Variants in JAKMIP1 observed in about 807,000 individuals in gnomAD.
JAKMIP1 encodes the protein janus kinase and microtubule-interacting protein 1.
JAKMIP1 carries 33 observed loss-of-function variants against 113.0 expected under a neutral mutation model. That is an observed-to-expected ratio of 0.29 (90% CI 0.22 to 0.39). The LOEUF is 0.39. Among genes scored for constraint, JAKMIP1 ranks in the 10% least tolerant of loss-of-function variants. The probability of loss-of-function intolerance (pLI) is 1.00; values close to 1 mark genes in which losing one functional copy is unlikely to be tolerated. For synonymous variants in JAKMIP1, 480 were observed against 459.9 expected, an observed-to-expected ratio of 1.04 and a Z score of -0.56; for missense variants, 813 against 1,080.5, an observed-to-expected ratio of 0.75 and a Z score of 3.47.
chr4:6,177,688 G>T (rs4688972), intron 1 of JAKMIP1, among the ~76,000 whole-genome samples: 147,856 of 152,244 alleles, frequency 0.97, 71,948 homozygotes, highest in East Asian at 1. Context: ...TCCCACAGAC[G>T]GAGGCAGATC....
At position 6,044,841 on chromosome 4, in the gene JAKMIP1, T is replaced by C. The variant is rs548107290; in HGVS notation, c.2029-2614A>G. On this transcript the variant is annotated intron_variant, in intron 16 of 20. Transcript: ENST00000409021. This position sits in a 1 kb window ranked among gnomAD's most constrained non-coding sequence, Gnocchi z 4.4. ...CGACCACGTGAGATCAGAAATTTAATATCAAAGAGTTTGGCCAGATAGCTG... is the reference window on the plus strand; with the variant it reads ...CGACCACGTGAGATCAGAAATTTAACATCAAAGAGTTTGGCCAGATAGCTG... Among the ~76,000 whole-genome samples, 8 of 152,350 alleles carry C rather than the reference T, an allele frequency of 5.3e-5. No homozygotes were observed. Among genetic ancestry groups the C allele is most frequent in the Admixed American group, 2.0e-4 (3 of 15,306 alleles).
At chr4:6,098,146 C>G (rs1712147495) in intron 3 of JAKMIP1, among the ~76,000 whole-genome samples, 1 of 152,170 alleles carries the variant, frequency 6.6e-6, no homozygotes, top group Non-Finnish European at 1.5e-5. Context: ...AAGAAACATT[C>G]CTCGTCGCGT....
chr4:6,171,318 C>T (rs908653148), intron 1 of JAKMIP1, among the ~76,000 whole-genome samples: 1 of 151,670 alleles, frequency 6.6e-6, no homozygotes, highest in Non-Finnish European at 1.5e-5. Context: ...CCATCAACAT[C>T]TCCATCACCA....
rs139788948 is a variant in JAKMIP1, at chr4:6,097,092, G to T, written c.624+8381C>A. ...TCGTAGGTCACAGTAGCCTCAATCT[G>T]CTGGCTTCAAGCAATCCTCCCACCT... On this transcript the variant is annotated intron_variant, in intron 3 of 20. Transcript: ENST00000409021. The surrounding 1 kb of genome is among the most constrained non-coding windows in gnomAD (Gnocchi z 4.3). 6.6e-6 allele frequency among the ~76,000 whole-genome samples: 1 copy of T among 152,102 alleles called. No individual in the cohort carries two copies. The highest frequency in any genetic ancestry group is 1.5e-5 in the Non-Finnish European group (1 of 68,028).
intron 1 of JAKMIP1, among the ~76,000 whole-genome samples, chr4:6,121,448 G>A (rs114875180): frequency 0.012 from 1,873 of 152,296 alleles, 20 homozygotes; most frequent in Non-Finnish European, 0.02. Context: ...TCCGAAGAAC[G>A]GTGCCAGGCA....
chr4:6,073,933 G>C (rs971544538), intron 8 of JAKMIP1, among the ~76,000 whole-genome samples: 6 of 152,224 alleles, frequency 3.9e-5, no homozygotes, highest in African/African-American at 1.2e-4. Context: ...CCAATAGCCT[G>C]CAACACAATT....
In JAKMIP1 at chr4:6,093,812, G is replaced by T. The variant is rs1025289623; in HGVS notation, c.625-8183C>A. The stretch of plus-strand genomic sequence containing the variant: ...AAGGAGCCAGGTTTGCCCGTGGTAG[G>T]AGTCGGTGGGGAACAAGTCCTGGCC... On this transcript the variant is annotated intron_variant, in intron 3 of 20. Transcript: ENST00000409021. This position sits in a 1 kb window ranked among gnomAD's most constrained non-coding sequence, Gnocchi z 4.6. Among the ~76,000 whole-genome samples, 1 of 152,130 alleles carries T rather than the reference G, an allele frequency of 6.6e-6. No homozygotes were observed. Among genetic ancestry groups the T allele is most frequent in the Non-Finnish European group, 1.5e-5 (1 of 68,026 alleles).
At position 6,050,661 on chromosome 4, in the gene JAKMIP1, G is replaced by A; in HGVS notation, c.1825C>T (p.Pro609Ser). The A allele has an allele frequency of 6.4e-7, 1 of 1,564,210 alleles. No individual in the cohort carries two copies. Among genetic ancestry groups the A allele is most frequent in the Non-Finnish European group, 8.7e-7 (1 of 1,153,614 alleles). ...GTGGTGATTTGGAGGTTAAATGCTG[G>A]CGACCTCCTCTCTCTCTCCTGGGGA... ...LELEERERRS[P>S]AFNLQITTFP... Residue 609 changes from proline (P) to serine (S), a missense_variant, in exon 14 of 21, where the codon CCA (proline) becomes TCA (serine). Pro to Ser is a moderately conservative substitution (Grantham distance 74, BLOSUM62 -1). This residue lies in a region of JAKMIP1 where 273 missense variants were observed against 426.6 expected (regional missense o/e 0.64). Transcript: ENST00000409021. The surrounding 1 kb of genome is among the most constrained non-coding windows in gnomAD (Gnocchi z 7.4).
chr4:6,083,428 G>A (rs543746381), intron 5 of JAKMIP1, among the ~76,000 whole-genome samples: 14 of 151,442 alleles, frequency 9.2e-5, no homozygotes, highest in Non-Finnish European at 1.2e-4. Context: ...AGATTGAAGC[G>A]TTGGCAAACT....
intron 1 of JAKMIP1, 46 bp from the exon 2 acceptor site, chr4:6,113,043 G>A (rs1051809451): frequency 6.7e-6 from 6 of 895,798 alleles, no homozygotes; most frequent in Middle Eastern, 7.2e-4. Context: ...GAAGGGTGGG[G>A]AGCTGGTGTC....
chr4:6,084,996 TCAAGACG>T, intron 4 of JAKMIP1, 31 bp from the exon 5 acceptor site: 6 of 808,642 alleles, frequency 7.4e-6, no homozygotes, highest in Non-Finnish European at 8.2e-6. Flanking sequence ...AAAAAAAAAG[TCAAGACG>T]TAAATGTACT....
Position 6,073,113 on chromosome 4 carries a change from A to G in JAKMIP1, c.1302+5826T>C, listed in dbSNP as rs531420151. On this transcript the variant is annotated intron_variant, in intron 8 of 20. Coordinates refer to ENST00000409021, the MANE Select transcript of JAKMIP1 (RefSeq NM_001099433.2). ...AAAAAAAAAAGTGCTTGAGCTTCCT[A>G]GGCAGGCAAAGGTACTGTACAACCA... is the stretch of plus-strand genomic sequence containing the variant. Among the ~76,000 whole-genome samples the G allele has an allele frequency of 9.2e-4, 138 of 149,648 alleles. 1 individual carries two copies. Among genetic ancestry groups the G allele is most frequent in the Admixed American group, 1.7e-3 (25 of 14,984 alleles).
At chr4:6,104,816 C>CT (rs1713636114) in intron 3 of JAKMIP1, among the ~76,000 whole-genome samples, 1 of 152,206 alleles carries the variant, frequency 6.6e-6, no homozygotes, top group South Asian at 2.1e-4. Context: ...TCAGGAGGAT[C>CT]TCCTGTGCAG....
At chr4:6,034,969 A>G (rs941371765) in intron 19 of JAKMIP1, among the ~76,000 whole-genome samples, 2 of 152,186 alleles carry the variant, frequency 1.3e-5, no homozygotes, top group Non-Finnish European at 2.9e-5. Flanking sequence ...CTCCCCGAGG[A>G]GAGGAGCATG....
chr4:6,064,936 A>G lies in JAKMIP1; in HGVS notation c.1375T>C (p.Tyr459His). 1 of 1,614,144 alleles carries G rather than the reference A, an allele frequency of 6.2e-7. No individual in the cohort carries two copies. Among genetic ancestry groups the G allele is most frequent in the East Asian group, 2.2e-5 (1 of 44,872 alleles). ...VDSETLSETS[Y>H]NTDRTDRTPA... Reference sequence around the variant, plus strand: ...GTCCTGTCTGTCCTGTCTGTGTTGTAGGATGTTTCGGACAACGTTTCTGAG... The same window carrying G: ...GTCCTGTCTGTCCTGTCTGTGTTGTGGGATGTTTCGGACAACGTTTCTGAG... Residue 459 changes from tyrosine to histidine, a missense_variant, in exon 9 of 21, where the codon TAC becomes CAC. Transcript: ENST00000409021. The surrounding 1 kb of genome is among the most constrained non-coding windows in gnomAD (Gnocchi z 4.3).
chr4:6,112,636 G>C, intron 2 of JAKMIP1, 86 bp downstream of exon 2: 1 of 1,509,046 alleles, frequency 6.6e-7, no homozygotes, highest in Non-Finnish European at 9.0e-7. Context: ...TCCTGGAACA[G>C]GCTCTTCACA....
chr4:6,129,336 G>C lies in JAKMIP1; in HGVS notation c.-147-16339C>G, dbSNP rs920477421. Among the ~76,000 whole-genome samples, 1 of 152,238 alleles carries C rather than the reference G, an allele frequency of 6.6e-6. No homozygotes were observed. The highest frequency in any genetic ancestry group is 2.4e-5 in the African/African-American group (1 of 41,458). On this transcript the variant is annotated intron_variant, in intron 1 of 20. Transcript: ENST00000409021. The surrounding 1 kb of genome is among the most constrained non-coding windows in gnomAD (Gnocchi z 5.4). Reference sequence around the variant, plus strand: ...CACCCCATGCCAGCCAGGAACCATTGATATTTAAATGTGGCCTTTGGCTAA... The same window carrying C: ...CACCCCATGCCAGCCAGGAACCATTCATATTTAAATGTGGCCTTTGGCTAA...
Position 6,162,632 on chromosome 4 carries a change from A to C in JAKMIP1, c.-148+37621T>G, listed in dbSNP as rs1051959285. Among the ~76,000 whole-genome samples, 8 of 152,224 alleles carry C rather than the reference A, an allele frequency of 5.3e-5. No homozygotes were observed. Among genetic ancestry groups the C allele is most frequent in the African/African-American group, 1.9e-4 (8 of 41,462 alleles). On this transcript the variant is annotated intron_variant, in intron 1 of 20. Transcript: ENST00000409021. The surrounding 1 kb of genome is among the most constrained non-coding windows in gnomAD (Gnocchi z 5.6). Reference sequence around the variant, plus strand: ...TTCAACCTGCCAAGCTCAGTGTGGCACTGCCCATCTGTTAGCTCCTTAACT... The same window carrying C: ...TTCAACCTGCCAAGCTCAGTGTGGCCCTGCCCATCTGTTAGCTCCTTAACT...
At position 6,039,383 on chromosome 4, in the gene JAKMIP1, C is replaced by G. The variant is rs868676401; in HGVS notation, c.2175+1256G>C. Among the ~76,000 whole-genome samples the G allele has an allele frequency of 3.9e-5, 6 of 152,202 alleles. No individual in the cohort carries two copies. The South Asian group carries it at 1.2e-3, about 32-fold the overall frequency. On this transcript the variant is annotated intron_variant, in intron 18 of 20. Coordinates refer to ENST00000409021, the MANE Select transcript of JAKMIP1 (RefSeq NM_001099433.2). ...AACTCACCCTTTAGCACGCTAAGAC[C>G]CCAAGAAGTCCTTCAGAGTTTTCCA...
Sources: gnomAD v4.1 joint callset for allele counts (sites outside exome capture counted in the v4.1 genomes callset) on GRCh38, gnomAD v4.1.1 for gene constraint, gnomAD v4.1.1 regional missense constraint, Gnocchi (gnomAD v3.1) non-coding constraint, MANE v1.5 for transcripts, NCBI Gene and HGNC (gene_info 2026-07-23, HGNC 2026-07-21) for gene names.